NID2: variants seen among roughly 807,000 people sequenced by gnomAD.
NID2 encodes the protein nidogen-2.
In NID2, 83 loss-of-function variants were observed where a neutral mutation model predicts 145.4. The ratio of observed to expected loss-of-function variants is 0.57; its 90% CI spans 0.48 to 0.69. NID2 has a LOEUF of 0.69. NID2 is among the 30% of genes least tolerant of loss of function. NID2 has a pLI of 0.00. For missense variants in NID2, 1,807 were observed against 1,765.7 expected, an observed-to-expected ratio of 1.02 and a Z score of -0.42; for synonymous variants, 739 against 701.3, an observed-to-expected ratio of 1.05 and a Z score of -0.85.
chr14:52,068,226 G>A (rs1893296444), intron 1 of NID2, 63 bp from the exon 2 acceptor site: 1 of 1,491,472 alleles, frequency 6.7e-7, no homozygotes, highest in Non-Finnish European at 9.3e-7. Context: ...ACCCTTTCGC[G>A]CAGGGAGGGA....
Position 52,068,047 on chromosome 14 carries a change from C to T in NID2, c.345G>A (p.Thr115=), listed in dbSNP as rs553050703. Residue 115 remains threonine, a synonymous_variant, in exon 2 of 22, where the codon ACG becomes ACA. Transcript: ENST00000216286. ...ACAGGACTCGGCCTCTGCCGTGGCTCGTGTCGATGTCCGCCAGAAAAGGGG... is the reference window on the plus strand; with the variant it reads ...ACAGGACTCGGCCTCTGCCGTGGCTTGTGTCGATGTCCGCCAGAAAAGGGG... ...AIAPFLADID[T]SHGRGRVLYR... 5 of 1,613,576 alleles carry T rather than the reference C, an allele frequency of 3.1e-6. No homozygotes were observed. The highest frequency in any genetic ancestry group is 1.6e-4 in the Middle Eastern group (1 of 6,082).
intron 5 of NID2, among the ~76,000 whole-genome samples, chr14:52,044,310 C>T (rs1258630929): frequency 7.2e-6 from 1 of 138,508 alleles, no homozygotes; most frequent in East Asian, 2.1e-4. Flanking sequence ...CGCTCTGTCG[C>T]CCAGGCTGGA....
chr14:52,018,289 A>G (rs1891285612), intron 14 of NID2, among the ~76,000 whole-genome samples: 1 of 152,250 alleles, frequency 6.6e-6, no homozygotes, highest in Non-Finnish European at 1.5e-5. Context: ...TATCAAGCCA[A>G]TCCTATGCTC....
chr14:52,064,186 G>A (rs1226091884), intron 2 of NID2, among the ~76,000 whole-genome samples: 1 of 152,078 alleles, frequency 6.6e-6, no homozygotes, highest in African/African-American at 2.4e-5. Flanking sequence ...ATCAACCTTT[G>A]AACCAAGTCA....
Position 52,068,913 on chromosome 14 carries a change from C to T in NID2, c.82G>A (p.Ala28Thr), listed in dbSNP as rs779694648. Reference sequence around the variant, plus strand: ...AGCTCGTCTGGGTGCAGCGCCGCGGCCCGCAACATTAGCAACGGCAGCAGC... The same window carrying T: ...AGCTCGTCTGGGTGCAGCGCCGCGGTCCGCAACATTAGCAACGGCAGCAGC... ...LLLLPLLMLR[A>T]AALHPDELFP... The change falls in exon 1 of 22, where the codon GCC (alanine) becomes ACC (threonine). Residue 28 changes from alanine to threonine, a missense_variant. Transcript: ENST00000216286. 1.3e-5 allele frequency: 21 copies of T among 1,613,914 alleles called. No individual in the cohort carries two copies. In the East Asian group the frequency reaches 4.7e-4, roughly 36 times the overall value.
intron 5 of NID2, among the ~76,000 whole-genome samples, chr14:52,049,528 T>C (rs1171776346): frequency 6.6e-6 from 1 of 151,928 alleles, no homozygotes; most frequent in East Asian, 1.9e-4. Flanking sequence ...TGCACAGGGC[T>C]GCTTCAGGAC....
chr14:52,019,165 T>G lies in NID2; in HGVS notation c.2924A>C (p.His975Pro). Residue 975 changes from histidine to proline, a missense_variant, in exon 14 of 22, where the codon CAT becomes CCT. His to Pro is a moderately conservative substitution (Grantham distance 77). Transcript: ENST00000216286. Reference sequence around the variant, plus strand: ...GCACCAGCAGAAACCAGTGCTGCCATGACACTGTAGGGGCAGGAAGTTGCC... The same window carrying G: ...GCACCAGCAGAAACCAGTGCTGCCAGGACACTGTAGGGGCAGGAAGTTGCC... ...EQGNFLPLQC[H>P]GSTGFCWCVD... is the part of the protein sequence containing the mutation. 6.2e-7 allele frequency: 1 copy of G among 1,614,130 alleles called. No homozygotes were observed. Among genetic ancestry groups the G allele is most frequent in the East Asian group, 2.2e-5 (1 of 44,870 alleles).
chr14:52,042,929 A>G lies in NID2; in HGVS notation c.1432T>C (p.Phe478Leu). 4 of 1,614,044 alleles carry G rather than the reference A, an allele frequency of 2.5e-6. No individual in the cohort carries two copies. Among genetic ancestry groups the G allele is most frequent in the Non-Finnish European group, 3.4e-6 (4 of 1,180,010 alleles). ...EDNIGSNTEV[F>L]TYNAANKETC... ...TCCTTGTTGGCAGCATTATACGTGAAGACTGAAAAATAAAACAAACTTGCC... is the reference window on the plus strand; with the variant it reads ...TCCTTGTTGGCAGCATTATACGTGAGGACTGAAAAATAAAACAAACTTGCC... The change falls in exon 6 of 22, where the codon TTC (phenylalanine) becomes CTC (leucine). Residue 478 changes from phenylalanine (F) to leucine (L), a missense_variant and splice_region_variant. Physicochemically the swap from Phe to Leu is conservative, Grantham distance 22 (BLOSUM62 0). Coordinates refer to ENST00000216286, the MANE Select transcript of NID2 (RefSeq NM_007361.4).
chr14:52,057,241 C>G (rs546739476), intron 3 of NID2, among the ~76,000 whole-genome samples: 2 of 152,256 alleles, frequency 1.3e-5, no homozygotes, highest in South Asian at 4.1e-4. Context: ...TTAGGTCTCG[C>G]TATGTTGCCC....
chr14:52,020,068 A>C lies in NID2; in HGVS notation c.2785T>G (p.Cys929Gly). ...QPGYYGDGFQ[C>G]IPDSTSSLTP... is the part of the protein sequence containing the mutation. Reference sequence around the variant, plus strand: ...GCCCTCTGAAACTTACCAGGTATGCACTGAAATCCATCCCCATAATATCCG... The same window carrying C: ...GCCCTCTGAAACTTACCAGGTATGCCCTGAAATCCATCCCCATAATATCCG... The change falls in exon 13 of 22, where the codon TGC becomes GGC. Residue 929 changes from cysteine (C) to glycine (G), a missense_variant. Coordinates refer to ENST00000216286, the MANE Select transcript of NID2 (RefSeq NM_007361.4). The C allele has an allele frequency of 6.2e-7, 1 of 1,614,012 alleles. No homozygotes were observed.
chr14:52,028,793 T>C lies in NID2; in HGVS notation c.2459A>G (p.Asn820Ser), dbSNP rs1431221110. The C allele has an allele frequency of 2.5e-6, 4 of 1,614,048 alleles. No individual in the cohort carries two copies. The highest frequency in any genetic ancestry group is 2.2e-5 in the South Asian group (2 of 91,078). The change falls in exon 11 of 22, where the codon AAC (asparagine) becomes AGC (serine). Residue 820 changes from asparagine to serine, a missense_variant. Asn to Ser is a conservative substitution (Grantham distance 46, BLOSUM62 1). Transcript: ENST00000216286. ...HRCGPNSVCI[N>S]LPGSYRCECR... ...CTCACACCTGTAGCTTCCAGGCAAG[T>C]TGATACATACAGAGTTGGGGCCACA...
intron 5 of NID2, among the ~76,000 whole-genome samples, chr14:52,050,324 C>T (rs1892643150): frequency 6.6e-6 from 1 of 152,146 alleles, no homozygotes; most frequent in Non-Finnish European, 1.5e-5. Flanking sequence ...TCCTCATTCC[C>T]ATCTCTGCAA....
intron 10 of NID2, among the ~76,000 whole-genome samples, chr14:52,029,137 A>T (rs1161738987): frequency 9.9e-5 from 15 of 152,086 alleles, no homozygotes; most frequent in Admixed American, 7.9e-4. Context: ...AAAACCAACA[A>T]TTTTTTTTAA....
chr14:52,028,697 A>G (rs1484248095), intron 11 of NID2, 25 bp downstream of exon 11: 1 of 1,608,452 alleles, frequency 6.2e-7, no homozygotes, highest in Admixed American at 1.7e-5. Context: ...TTTTGGCCAC[A>G]CAGGAAAATG....
At chr14:52,051,425 A>G (rs1457439998) in intron 5 of NID2, among the ~76,000 whole-genome samples, 1 of 152,224 alleles carries the variant, frequency 6.6e-6, no homozygotes, top group Non-Finnish European at 1.5e-5. Flanking sequence ...CAAACCACAT[A>G]GCAGAGCTGG....
intron 9 of NID2, 65 bp from the exon 10 acceptor site, chr14:52,029,755 G>C (rs1891733637): frequency 4.9e-6 from 7 of 1,438,812 alleles, no homozygotes; most frequent in African/African-American, 1.4e-5. Flanking sequence ...CACGGAGATA[G>C]AGGAGTCCTC....
Position 52,011,135 on chromosome 14 carries a change from G to C in NID2, c.3551-88C>G, listed in dbSNP as rs958517286. The stretch of plus-strand genomic sequence containing the variant: ...CTCCAACGGTCGGGTGGGCAGGGGG[G>C]TCAGCAGGGGAAAGCAAAGCCCAAG... On this transcript the variant is annotated intron_variant, in intron 17 of 21. Transcript: ENST00000216286. 7 of 1,317,350 alleles carry C rather than the reference G, an allele frequency of 5.3e-6. No individual in the cohort carries two copies. In the Admixed American group the frequency reaches 7.5e-5, roughly 14 times the overall value. 81.6% of individuals were successfully genotyped at this position (1,317,350 alleles called of 1,614,324 possible).
intron 20 of NID2, chr14:52,006,054 G>C: frequency 1.8e-6 from 1 of 558,066 alleles, no homozygotes. Flanking sequence ...ATCACATGAT[G>C]AGCTATCAAA....
At chr14:52,019,581 T>G (rs1891329425) in intron 13 of NID2, among the ~76,000 whole-genome samples, 1 of 152,136 alleles carries the variant, frequency 6.6e-6, no homozygotes, top group Admixed American at 6.5e-5. Context: ...CAAGAGACTC[T>G]GGAGAAAACA....
Sources: allele counts gnomAD v4.1 joint callset (sites outside exome capture counted in the v4.1 genomes callset), GRCh38; gene constraint gnomAD v4.1.1; transcripts MANE v1.5; gene names NCBI Gene and HGNC (gene_info 2026-07-23, HGNC 2026-07-21).